The following NT5DC1 variants were observed in gnomAD, a reference collection of about 807,000 sequenced individuals.
NT5DC1 encodes 5'-nucleotidase domain containing 1.
NT5DC1 carries 42 observed loss-of-function variants against 59.4 expected under a neutral mutation model. The ratio of observed to expected loss-of-function variants is 0.71; its 90% CI spans 0.55 to 0.92. The LOEUF (loss-of-function observed/expected upper bound fraction) is 0.92. NT5DC1 is among the 40% of genes least tolerant of loss of function. The pLI is 0.00. For missense variants in NT5DC1, 501 were observed against 537.1 expected, an observed-to-expected ratio of 0.93 and a Z score of 0.66; for synonymous variants, 172 against 188.1, an observed-to-expected ratio of 0.91 and a Z score of 0.70.
chr6:116,243,339 G>A (rs1173707297), intron 11 of NT5DC1, among the ~76,000 whole-genome samples: 2 of 152,006 alleles, frequency 1.3e-5, no homozygotes, highest in Non-Finnish European at 2.9e-5. Flanking sequence ...TCATATTTTT[G>A]TATTAACTTC....
chr6:116,230,075 A>G (rs1188217307), intron 8 of NT5DC1, among the ~76,000 whole-genome samples: 1 of 152,096 alleles, frequency 6.6e-6, no homozygotes, highest in Non-Finnish European at 1.5e-5. Flanking sequence ...TTTTACCTCC[A>G]GTGTGCTATG....
intron 6 of NT5DC1, among the ~76,000 whole-genome samples, chr6:116,194,550 A>G (rs926629394): frequency 1.3e-5 from 2 of 151,944 alleles, no homozygotes; most frequent in African/African-American, 4.8e-5. Context: ...CCTGAAGTAT[A>G]TTGTTTAAAG....
In NT5DC1 at chr6:116,218,609, C is replaced by T. The variant is rs572573529; in HGVS notation, c.530-2445C>T. 2.6e-5 allele frequency among the ~76,000 whole-genome samples: 4 copies of T among 152,176 alleles called. No individual in the cohort carries two copies. The South Asian group carries it at 6.2e-4, about 24-fold the overall frequency. On this transcript the variant is annotated intron_variant, in intron 6 of 11. Coordinates refer to ENST00000319550, the MANE Select transcript of NT5DC1 (RefSeq NM_152729.3). ...TTAAACTGACCTTTTCTTACTAGTACTTCCTCTTCCCTGGGAAACAGAGAA... is the reference window on the plus strand; with the variant it reads ...TTAAACTGACCTTTTCTTACTAGTATTTCCTCTTCCCTGGGAAACAGAGAA...
chr6:116,215,065 G>A (rs1781663731), intron 6 of NT5DC1, among the ~76,000 whole-genome samples: 1 of 152,004 alleles, frequency 6.6e-6, no homozygotes, highest in African/African-American at 2.4e-5. Flanking sequence ...CAGTTATCAA[G>A]GTTTAGTCTG....
At chr6:116,204,269 G>A (rs1219780975) in intron 6 of NT5DC1, among the ~76,000 whole-genome samples, 1 of 151,908 alleles carries the variant, frequency 6.6e-6, no homozygotes, top group Non-Finnish European at 1.5e-5. Context: ...AATTTACTCA[G>A]TTGAATACAA....
At chr6:116,209,144 G>A (rs978225866) in intron 6 of NT5DC1, among the ~76,000 whole-genome samples, 2 of 151,884 alleles carry the variant, frequency 1.3e-5, no homozygotes, top group Non-Finnish European at 2.9e-5. Context: ...TTACTGTCCC[G>A]TAGTTATTAA....
At chr6:116,228,231 G>A (rs900849974) in intron 8 of NT5DC1, among the ~76,000 whole-genome samples, 4 of 152,274 alleles carry the variant, frequency 2.6e-5, no homozygotes, top group African/African-American at 9.6e-5. Context: ...CATTTTGGCC[G>A]GGAGCGGTGG....
In NT5DC1 at chr6:116,106,324, T is replaced by C. The variant is rs895512135; in HGVS notation, c.174T>C (p.Asp58=). Residue 58 remains aspartate (D), a synonymous_variant, in exon 2 of 12, where the codon GAT becomes GAC. Transcript: ENST00000319550. ...DKELLNVTPE[D]WDFCCKGLAL... ...AATTGCTCAATGTGACCCCAGAGGA[T>C]TGGGATTTCTGGTAAGTTCTTTTTT... 1.1e-5 allele frequency: 17 copies of C among 1,503,092 alleles called. No individual in the cohort carries two copies. Among genetic ancestry groups the C allele is most frequent in the Admixed American group, 8.6e-5 (5 of 57,836 alleles). The allele number at this position is 1,503,092 out of a possible 1,614,324, so 93.1% of individuals were successfully genotyped here. A position where few individuals can be genotyped will look rare whatever the true frequency, so the allele number is the denominator to read the frequency against.
intron 6 of NT5DC1, among the ~76,000 whole-genome samples, chr6:116,147,156 T>C (rs1325136707): frequency 6.6e-6 from 1 of 151,750 alleles, no homozygotes; most frequent in Non-Finnish European, 1.5e-5. Context: ...AATGACAAAC[T>C]GGGACCAGGC....
In NT5DC1 at chr6:116,100,952, G is replaced by T. The variant is rs1582800222; in HGVS notation, c.22G>T (p.Ala8Ser). 3 of 1,603,966 alleles carry T rather than the reference G, an allele frequency of 1.9e-6. No individual in the cohort carries two copies. The highest frequency in any genetic ancestry group is 1.7e-5 in the Admixed American group (1 of 59,488). Reference sequence around the variant, plus strand: ...AGCCATGGCTCAGCACTTCTCCCTGGCCGCCTGCGACGTGGTCGGATTCGA... The same window carrying T: ...AGCCATGGCTCAGCACTTCTCCCTGTCCGCCTGCGACGTGGTCGGATTCGA... Reference protein sequence around the residue: MAQHFSLAACDVVGFDLD... With the variant: MAQHFSLSACDVVGFDLD... Residue 8 changes from alanine to serine, a missense_variant, in exon 1 of 12, where the codon GCC becomes TCC. Transcript: ENST00000319550.
intron 1 of NT5DC1, among the ~76,000 whole-genome samples, chr6:116,105,451 C>T (rs1470135565): frequency 2.0e-5 from 3 of 152,196 alleles, no homozygotes; most frequent in Non-Finnish European, 2.9e-5. Context: ...CAGGTTGACT[C>T]AGACAACTGT....
intron 6 of NT5DC1, chr6:116,120,641 G>T: frequency 6.5e-7 from 1 of 1,548,476 alleles, no homozygotes; most frequent in South Asian, 1.3e-5. Context: ...TGGAGGCCCT[G>T]GTGGCCCGGT....
At chr6:116,101,647 G>A (rs1301575756) in intron 1 of NT5DC1, among the ~76,000 whole-genome samples, 1 of 152,190 alleles carries the variant, frequency 6.6e-6, no homozygotes, top group African/African-American at 2.4e-5. Context: ...CGTGCTCCGT[G>A]CACTTTGAAT....
Position 116,120,189 on chromosome 6 carries a change from C to T in NT5DC1, c.529+2244C>T, listed in dbSNP as rs201121404. 9.5e-5 allele frequency: 153 copies of T among 1,614,074 alleles called. No homozygotes were observed. In the African/African-American group the frequency reaches 1.5e-3, roughly 16 times the overall value. ...CACACCTGGTCATTTTCTGTGAGATCGATGATGGCACTCCCTGAAGCCTGA... is the reference window on the plus strand; with the variant it reads ...CACACCTGGTCATTTTCTGTGAGATTGATGATGGCACTCCCTGAAGCCTGA... On this transcript the variant is annotated intron_variant, in intron 6 of 11. Transcript: ENST00000319550.
rs1385119046 is a variant in NT5DC1, at chr6:116,247,227, A to G, written c.*3203A>G. The stretch of plus-strand genomic sequence containing the variant: ...GTGCTAGGACATGAGAGGGATTAAC[A>G]TTGAAGACACAGCCTCTATCTTTAA... On this transcript the variant is annotated 3_prime_UTR_variant, in exon 12 of 12. Transcript: ENST00000319550. 1 of 152,210 alleles carries G rather than the reference A, an allele frequency of 6.6e-6. No homozygotes were observed. Among genetic ancestry groups the G allele is most frequent in the Non-Finnish European group, 1.5e-5 (1 of 68,018 alleles). 9.4% of individuals were successfully genotyped at this position (152,210 alleles called of 1,614,324 possible). A position where few individuals can be genotyped will look rare whatever the true frequency, so the allele number is the denominator to read the frequency against.
chr6:116,158,903 T>C (rs530171846), intron 6 of NT5DC1, among the ~76,000 whole-genome samples: 9 of 152,190 alleles, frequency 5.9e-5, no homozygotes, highest in Admixed American at 1.3e-4. Flanking sequence ...TCAGTGACTT[T>C]TTTGAGACGC....
chr6:116,221,520 T>A (rs949509572), intron 7 of NT5DC1, among the ~76,000 whole-genome samples: 1 of 152,184 alleles, frequency 6.6e-6, no homozygotes, highest in African/African-American at 2.4e-5. Context: ...TTTCCATGAA[T>A]TTGGTTTCTC....
At chr6:116,125,924 T>C (rs896527253) in intron 6 of NT5DC1, 2 of 159,218 alleles carry the variant, frequency 1.3e-5, no homozygotes, top group African/African-American at 2.4e-5. Flanking sequence ...TTGGAGTGCA[T>C]TTTAGTAGAA....
chr6:116,179,274 A>G (rs1780820549), intron 6 of NT5DC1, among the ~76,000 whole-genome samples: 1 of 152,190 alleles, frequency 6.6e-6, no homozygotes, highest in Admixed American at 6.5e-5. Context: ...ATATTACATT[A>G]AAATGAAGAA....
Sources: gnomAD v4.1 joint callset for allele counts (sites outside exome capture counted in the v4.1 genomes callset) on GRCh38, gnomAD v4.1.1 for gene constraint, MANE v1.5 for transcripts, NCBI Gene and HGNC (gene_info 2026-07-23, HGNC 2026-07-21) for gene names.